The following SGIP1 variants were observed in gnomAD, a reference collection of about 807,000 sequenced individuals.
The protein encoded by SGIP1 is SH3-containing GRB2-like protein 3-interacting protein 1.
Under a neutral mutation model 107.5 loss-of-function variants are expected in SGIP1, and 38 were observed. The ratio of observed to expected loss-of-function variants is 0.35; its 90% CI spans 0.27 to 0.46. SGIP1 has a LOEUF of 0.46. Ranked by LOEUF, SGIP1 falls within the 20% of genes least tolerant of loss-of-function variation. The pLI, the probability that SGIP1 is intolerant of heterozygous loss-of-function variation, is 1.00. For synonymous variants in SGIP1, 365 were observed against 366.1 expected (o/e 1.00, Z 0.03); for missense variants, 929 against 1,019.5 (o/e 0.91, Z 1.21).
At chr1:66,714,174 C>G (rs531416050) in intron 18 of SGIP1, among the ~76,000 whole-genome samples, 2 of 152,062 alleles carry the variant, frequency 1.3e-5, no homozygotes, top group East Asian at 3.9e-4. Context: ...GTTCACCATG[C>G]GCCTTTAACA....
intron 1 of SGIP1, among the ~76,000 whole-genome samples, chr1:66,612,643 A>C (rs905630107): frequency 9.9e-5 from 15 of 152,190 alleles, no homozygotes; most frequent in African/African-American, 3.6e-4. Context: ...TTCTCATTTA[A>C]TACAATAATC....
chr1:66,684,024 CTTTTTGGCCCTAAATG>C, intron 15 of SGIP1: 1 of 1,529,362 alleles, frequency 6.5e-7, no homozygotes, highest in Admixed American at 2.0e-5. Context: ...GCCCTAAATG[CTTTTTGGCCCTAAATG>C]CTTTTTGTAC....
At chr1:66,663,237 T>C (rs2081901098) in intron 8 of SGIP1, among the ~76,000 whole-genome samples, 1 of 152,056 alleles carries the variant, frequency 6.6e-6, no homozygotes, top group South Asian at 2.1e-4. Flanking sequence ...CCACCCACTT[T>C]TTACTCCTGC....
At position 66,640,824 on chromosome 1, in the gene SGIP1, G is replaced by A. The variant is rs575148557; in HGVS notation, c.228+991G>A. On this transcript the variant is annotated intron_variant, in intron 5 of 24. Transcript: ENST00000371037. ...TGAGAACTGAAGAAGGAGGAAAAGA[G>A]GAAGACCACAATAAATGCTCAAAAA... 6.6e-4 allele frequency among the ~76,000 whole-genome samples: 97 copies of A among 147,828 alleles called. 1 individual carries two copies. Among genetic ancestry groups the A allele is most frequent in the African/African-American group, 2.3e-3 (92 of 40,388 alleles).
chr1:66,699,259 T>C (rs562652086), intron 18 of SGIP1, among the ~76,000 whole-genome samples: 61 of 152,246 alleles, frequency 4.0e-4, no homozygotes, highest in Middle Eastern at 3.4e-3. Flanking sequence ...TGGATTCTCT[T>C]AGCTCCCTAT....
At chr1:66,725,358 G>C (rs1210964994) in intron 19 of SGIP1, among the ~76,000 whole-genome samples, 2 of 152,162 alleles carry the variant, frequency 1.3e-5, no homozygotes, top group Non-Finnish European at 2.9e-5. Flanking sequence ...TCATCCATTA[G>C]AGTTACACAA....
chr1:66,736,720 A>T (rs1210291547), intron 21 of SGIP1, among the ~76,000 whole-genome samples: 1 of 151,170 alleles, frequency 6.6e-6, no homozygotes, highest in Non-Finnish European at 1.5e-5. Flanking sequence ...GACCTAGCAG[A>T]TATATATATT....
chr1:66,580,842 A>C (rs2061718926), intron 1 of SGIP1, among the ~76,000 whole-genome samples: 1 of 152,176 alleles, frequency 6.6e-6, no homozygotes, highest in South Asian at 2.1e-4. Context: ...TACTAGCAGA[A>C]TATATAACTT....
intron 10 of SGIP1, among the ~76,000 whole-genome samples, chr1:66,671,297 A>T (rs2083731872): frequency 6.6e-6 from 1 of 152,210 alleles, no homozygotes; most frequent in Non-Finnish European, 1.5e-5. Flanking sequence ...ATTTAACTTT[A>T]GAAATGAATT....
intron 2 of SGIP1, among the ~76,000 whole-genome samples, chr1:66,628,835 C>G (rs943340951): frequency 1.8e-5 from 2 of 109,774 alleles, no homozygotes; most frequent in Non-Finnish European, 3.5e-5. Context: ...TAAAGAATCC[C>G]AAGTATCCTT....
At chr1:66,642,702 T>G (rs575266185) in intron 5 of SGIP1, 108 bp from the exon 6 acceptor site, 3 of 917,206 alleles carry the variant, frequency 3.3e-6, no homozygotes, top group Middle Eastern at 4.9e-4. Context: ...CTTCATCTCC[T>G]AAAAGAAAAG....
chr1:66,693,769 T>C (rs1025691877), intron 17 of SGIP1, among the ~76,000 whole-genome samples: 1 of 152,206 alleles, frequency 6.6e-6, no homozygotes, highest in African/African-American at 2.4e-5. Flanking sequence ...TTCATGATGT[T>C]GTGACCAATT....
At chr1:66,742,508 C>T (rs1572502087) in intron 24 of SGIP1, among the ~76,000 whole-genome samples, 1 of 60,120 alleles carries the variant, frequency 1.7e-5, no homozygotes, top group Non-Finnish European at 3.3e-5. Context: ...CTCACTCTGT[C>T]GCCCAGGCTG....
intron 3 of SGIP1, chr1:66,634,312 T>C: frequency 1.5e-6 from 1 of 650,636 alleles, no homozygotes; most frequent in Non-Finnish European, 2.7e-6. Flanking sequence ...CTTGCTTCTC[T>C]ACCTCTGCCA....
intron 1 of SGIP1, among the ~76,000 whole-genome samples, chr1:66,624,423 G>A (rs2072077076): frequency 6.6e-6 from 1 of 152,146 alleles, no homozygotes; most frequent in Non-Finnish European, 1.5e-5. Context: ...CTCCTCATGT[G>A]GAGAGTAACG....
chr1:66,735,542 C>T (rs1294460654), intron 21 of SGIP1, among the ~76,000 whole-genome samples: 1 of 16,170 alleles, frequency 6.2e-5, no homozygotes, highest in African/African-American at 4.9e-4. Flanking sequence ...TCGTGTGGGC[C>T]GGGCGCGGTG....
intron 20 of SGIP1, among the ~76,000 whole-genome samples, chr1:66,732,966 T>G (rs1336399466): frequency 6.6e-6 from 1 of 152,168 alleles, no homozygotes; most frequent in Non-Finnish European, 1.5e-5. Context: ...ATACGGGAAA[T>G]GAGTTATATG....
At chr1:66,682,510 A>G (rs2150005026) in intron 15 of SGIP1, 141 bp downstream of exon 15, 1 of 1,026,682 alleles carries the variant, frequency 9.7e-7, no homozygotes, top group East Asian at 2.4e-5. Flanking sequence ...CTGTGGCCCC[A>G]CAGCATGTCC....
intron 12 of SGIP1, 110 bp from the exon 13 acceptor site, chr1:66,676,894 G>C (rs1277736234): frequency 3.7e-6 from 3 of 804,868 alleles, no homozygotes; most frequent in Non-Finnish European, 5.9e-6. Flanking sequence ...TTAGTACTGA[G>C]ACAAGAGGAA....
Sources: allele counts gnomAD v4.1 joint callset (sites outside exome capture counted in the v4.1 genomes callset), GRCh38; gene constraint gnomAD v4.1.1; transcripts MANE v1.5; gene names NCBI Gene and HGNC (gene_info 2026-07-23, HGNC 2026-07-21).